TAFA2: variants seen among roughly 807,000 people sequenced by gnomAD.
TAFA2 encodes TAFA chemokine like family member 2.
A neutral mutation model predicts 18.8 loss-of-function variants in TAFA2; 7 were observed. The ratio of observed to expected loss-of-function variants is 0.37; its 90% CI spans 0.21 to 0.70. TAFA2 has a LOEUF of 0.70. Among genes scored for constraint, TAFA2 ranks in the 30% least tolerant of loss-of-function variants. The pLI, the probability that TAFA2 is intolerant of heterozygous loss-of-function variation, is 0.53. For missense variants in TAFA2, 122 were observed against 158.1 expected (o/e 0.77, Z 1.23); for synonymous variants, 60 against 54.2 (o/e 1.11, Z -0.47).
chr12:62,201,712 G>C (rs1390118272), intron 1 of TAFA2, among the ~76,000 whole-genome samples: 1 of 152,154 alleles, frequency 6.6e-6, no homozygotes, highest in African/African-American at 2.4e-5. Context: ...TGCTGTTGCT[G>C]TATTGCTGCA....
At chr12:61,866,298 A>G (rs73308258) in intron 2 of TAFA2, among the ~76,000 whole-genome samples, 3,078 of 152,240 alleles carry the variant, frequency 0.02, 82 homozygotes, top group African/African-American at 0.069. Context: ...CCCACACACC[A>G]TGTCTTTTCT....
chr12:62,122,798 T>G (rs759672313), intron 1 of TAFA2, among the ~76,000 whole-genome samples: 7 of 152,192 alleles, frequency 4.6e-5, no homozygotes, highest in Non-Finnish European at 1.5e-5. Flanking sequence ...CCATTCACAC[T>G]GGCTTGGTGT....
rs116092895 is a variant in TAFA2, at chr12:62,124,792, G to A, written c.-2+66467C>T. On this transcript the variant is annotated intron_variant, in intron 1 of 4. Transcript: ENST00000416284. ...ATACACAGGGAATTGGATATTCCACGGCTTAGAAATTCCAGTACAGATATT... is the reference window on the plus strand; with the variant it reads ...ATACACAGGGAATTGGATATTCCACAGCTTAGAAATTCCAGTACAGATATT... Among the ~76,000 whole-genome samples, 327 of 152,160 alleles carry A rather than the reference G, an allele frequency of 2.1e-3. 1 individual carries two copies. Among genetic ancestry groups the A allele is most frequent in the South Asian group, 8.9e-3 (43 of 4,822 alleles).
chr12:62,143,081 A>C (rs910522173), intron 1 of TAFA2, among the ~76,000 whole-genome samples: 17 of 152,094 alleles, frequency 1.1e-4, no homozygotes, highest in African/African-American at 4.1e-4. Context: ...TGCCTTTCCA[A>C]ACTTCTTTGT....
chr12:61,949,503 G>T (rs1198513980), intron 1 of TAFA2, among the ~76,000 whole-genome samples: 1 of 152,134 alleles, frequency 6.6e-6, no homozygotes, highest in East Asian at 1.9e-4. Context: ...GATTAAAAAA[G>T]CAAGAAATAA....
chr12:61,904,779 C>T (rs7131866), intron 1 of TAFA2, among the ~76,000 whole-genome samples: 41,515 of 151,954 alleles, frequency 0.27, 6,111 homozygotes, highest in East Asian at 0.44. Flanking sequence ...GGAAAAAAAT[C>T]ATACTCTAAT....
intron 2 of TAFA2, among the ~76,000 whole-genome samples, chr12:61,794,802 A>G (rs1400287878): frequency 1.3e-5 from 2 of 152,134 alleles, no homozygotes; most frequent in Non-Finnish European, 2.9e-5. Flanking sequence ...AACCCACACA[A>G]TGGGAAAAAA....
chr12:61,831,904 C>T (rs947365006), intron 2 of TAFA2, among the ~76,000 whole-genome samples: 2 of 151,882 alleles, frequency 1.3e-5, no homozygotes, highest in Non-Finnish European at 2.9e-5. Flanking sequence ...TGGAAATGAG[C>T]GGTCTGAAAT....
chr12:62,010,013 A>G (rs1015099321), intron 1 of TAFA2, among the ~76,000 whole-genome samples: 2 of 152,250 alleles, frequency 1.3e-5, no homozygotes, highest in African/African-American at 4.8e-5. Context: ...AGGTAGTCTC[A>G]TAACATATTT....
intron 2 of TAFA2, among the ~76,000 whole-genome samples, chr12:61,784,181 CT>C (rs1469875802): frequency 6.6e-6 from 1 of 151,492 alleles, no homozygotes; most frequent in Non-Finnish European, 1.5e-5. Context: ...AATAAGACCC[CT>C]CTTTACAAAA....
chr12:61,877,576 G>A (rs1565666088), intron 1 of TAFA2, among the ~76,000 whole-genome samples: 1 of 152,140 alleles, frequency 6.6e-6, no homozygotes, highest in East Asian at 1.9e-4. Context: ...ATGGGGATAT[G>A]AAGAACTAGT....
intron 1 of TAFA2, among the ~76,000 whole-genome samples, chr12:61,979,020 G>A (rs191862486): frequency 1.2e-4 from 18 of 152,170 alleles, no homozygotes; most frequent in African/African-American, 2.6e-4. Flanking sequence ...TCATTTTCAC[G>A]GAATAATACG....
At chr12:62,173,996 A>G (rs565990555) in intron 1 of TAFA2, among the ~76,000 whole-genome samples, 28 of 152,320 alleles carry the variant, frequency 1.8e-4, no homozygotes, top group Non-Finnish European at 4.1e-4. Context: ...AAATGAGATC[A>G]ATAAGAAAAT....
At chr12:62,138,419 CCTT>C (rs1348561721) in intron 1 of TAFA2, among the ~76,000 whole-genome samples, 1 of 152,188 alleles carries the variant, frequency 6.6e-6, no homozygotes, top group Non-Finnish European at 1.5e-5. Context: ...CTTATGTTCT[CCTT>C]CTTGCCTCCT....
intron 1 of TAFA2, among the ~76,000 whole-genome samples, chr12:61,927,357 T>C (rs1332706428): frequency 2.0e-5 from 3 of 152,158 alleles, no homozygotes; most frequent in Admixed American, 6.5e-5. Flanking sequence ...ACAGCATTCC[T>C]ATACAGCAAT....
intron 1 of TAFA2, among the ~76,000 whole-genome samples, chr12:62,202,071 G>A (rs1241954996): frequency 1.3e-5 from 2 of 151,950 alleles, no homozygotes; most frequent in African/African-American, 4.8e-5. Flanking sequence ...TATTTCTGTG[G>A]GGTCAATGAT....
At chr12:61,851,813 A>AAAAAAAAAAAAAAAAG (rs1873673566) in intron 2 of TAFA2, among the ~76,000 whole-genome samples, 1 of 140,406 alleles carries the variant, frequency 7.1e-6, no homozygotes, top group Admixed American at 7.2e-5. Flanking sequence ...AAAAAAAAAA[A>AAAAAAAAAAAAAAAAG]AAAAACATGT....
intron 2 of TAFA2, among the ~76,000 whole-genome samples, chr12:61,779,532 G>C (rs966346349): frequency 2.6e-4 from 39 of 151,806 alleles, no homozygotes; most frequent in African/African-American, 8.7e-4. Context: ...TGCTCACCCT[G>C]AAGTGTTCTG....
chr12:62,036,611 T>C (rs555484082), intron 1 of TAFA2, among the ~76,000 whole-genome samples: 1 of 152,354 alleles, frequency 6.6e-6, no homozygotes, highest in East Asian at 1.9e-4. Flanking sequence ...CCTTTGCTGA[T>C]GAATTGTCAG....
Sources: gnomAD v4.1 joint callset for allele counts (sites outside exome capture counted in the v4.1 genomes callset) on GRCh38, gnomAD v4.1.1 for gene constraint, MANE v1.5 for transcripts, NCBI Gene and HGNC (gene_info 2026-07-23, HGNC 2026-07-21) for gene names.